TRPC4: variants seen among roughly 807,000 people sequenced by gnomAD.
TRPC4 encodes transient receptor potential cation channel subfamily C member 4, also known as short transient receptor potential channel 4.
Under a neutral mutation model 99.4 loss-of-function variants are expected in TRPC4, and 49 were observed. The ratio of observed to expected loss-of-function variants is 0.49; its 90% confidence interval spans 0.39 to 0.63. The LOEUF (loss-of-function observed/expected upper bound fraction) is 0.63. Among genes scored for constraint, TRPC4 ranks in the 20% least tolerant of loss-of-function variants. The pLI is 0.00. For missense variants in TRPC4, 898 were observed against 1,152.9 expected (o/e 0.78, Z 3.20); for synonymous variants, 454 against 425.9 (o/e 1.07, Z -0.81).
At chr13:37,668,269 C>T (rs913662151) in intron 5 of TRPC4, among the ~76,000 whole-genome samples, 4 of 152,074 alleles carry the variant, frequency 2.6e-5, no homozygotes, top group African/African-American at 9.7e-5. Flanking sequence ...ATTCAGATTC[C>T]TTTGAAAGAG....
intron 3 of TRPC4, among the ~76,000 whole-genome samples, chr13:37,728,345 G>A (rs1955129895): frequency 6.6e-6 from 1 of 151,842 alleles, no homozygotes; most frequent in Non-Finnish European, 1.5e-5. Context: ...AGGTAGCAGA[G>A]TACAAAGTCA....
chr13:37,773,748 A>G (rs190635221), intron 2 of TRPC4, among the ~76,000 whole-genome samples: 1 of 151,914 alleles, frequency 6.6e-6, no homozygotes, highest in Admixed American at 6.6e-5. Context: ...AAATTGTAAT[A>G]CTGAATTTTT....
intron 3 of TRPC4, among the ~76,000 whole-genome samples, chr13:37,717,322 A>G (rs1431425875): frequency 2.0e-5 from 3 of 152,190 alleles, no homozygotes; most frequent in Non-Finnish European, 4.4e-5. Context: ...TTTTAAGTCT[A>G]CATTTTAAAT....
chr13:37,718,415 C>A (rs1468155081), intron 3 of TRPC4, among the ~76,000 whole-genome samples: 1 of 151,504 alleles, frequency 6.6e-6, no homozygotes, highest in Non-Finnish European at 1.5e-5. Context: ...AAAATGTGAT[C>A]CATTCTCAAG....
Position 37,635,233 on chromosome 13 carries a change from T to C in TRPC4, c.*1670A>G, listed in dbSNP as rs1951483358. On this transcript the variant is annotated 3_prime_UTR_variant, in exon 11 of 11. Coordinates refer to ENST00000379705, the MANE Select transcript of TRPC4 (RefSeq NM_016179.4). ...TATATGCATGTTTTATAACTTGCTCTTTTTATGTTCTGAAAGGCAGTTACA... is the reference window on the plus strand; with the variant it reads ...TATATGCATGTTTTATAACTTGCTCCTTTTATGTTCTGAAAGGCAGTTACA... Among the ~76,000 whole-genome samples, 1 of 152,236 alleles carries C rather than the reference T, an allele frequency of 6.6e-6. No homozygotes were observed. Among genetic ancestry groups the C allele is most frequent in the Admixed American group, 6.5e-5 (1 of 15,268 alleles).
At chr13:37,813,790 C>T (rs1957767538) in intron 1 of TRPC4, among the ~76,000 whole-genome samples, 2 of 151,816 alleles carry the variant, frequency 1.3e-5, no homozygotes, top group South Asian at 4.2e-4. Flanking sequence ...ATGTTTCAAT[C>T]ATTCACAAAC....
chr13:37,757,925 A>G (rs1303464536), intron 2 of TRPC4, among the ~76,000 whole-genome samples: 1 of 151,968 alleles, frequency 6.6e-6, no homozygotes, highest in Non-Finnish European at 1.5e-5. Context: ...GTAGGGTTCA[A>G]GGTTGGAAAT....
At chr13:37,854,041 A>C (rs1959122241) in intron 1 of TRPC4, among the ~76,000 whole-genome samples, 1 of 152,176 alleles carries the variant, frequency 6.6e-6, no homozygotes, top group African/African-American at 2.4e-5. Context: ...AGAATTTCCC[A>C]ATCCTAGAGA....
chr13:37,825,566 C>T (rs546436466), intron 1 of TRPC4, among the ~76,000 whole-genome samples: 1 of 150,124 alleles, frequency 6.7e-6, no homozygotes, highest in Non-Finnish European at 1.5e-5. Context: ...GTTCAGTTTC[C>T]ATGTAGTCCA....
At chr13:37,684,720 A>C (rs1953400627) in intron 4 of TRPC4, among the ~76,000 whole-genome samples, 1 of 151,768 alleles carries the variant, frequency 6.6e-6, no homozygotes, top group Non-Finnish European at 1.5e-5. Flanking sequence ...ACTTAATACA[A>C]ACTTCTGAAC....
At chr13:37,854,717 C>T (rs893189618) in intron 1 of TRPC4, 10 of 151,976 alleles carry the variant, frequency 6.6e-5, no homozygotes, top group African/African-American at 1.9e-4. Flanking sequence ...ATTTGCAAGC[C>T]TCATGGTAAC....
At chr13:37,783,444 G>T in intron 1 of TRPC4, 84 bp from the exon 2 acceptor site, 1 of 1,101,054 alleles carries the variant, frequency 9.1e-7, no homozygotes, top group Non-Finnish European at 1.2e-6. Context: ...AACTCACAGT[G>T]ATATCAATAA....
rs1566139370 is a variant in TRPC4, at chr13:37,746,087, T to C, written c.747A>G (p.Lys249=). The change falls in exon 3 of 11, where the codon AAA becomes AAG. Residue 249 remains lysine, a synonymous_variant. Coordinates refer to ENST00000379705, the MANE Select transcript of TRPC4 (RefSeq NM_016179.4). ...GATCCAGTAGGTCCTTAGCAAATTG[T>C]TTGCACTGCCGTGACAGCTCTTCAT... ...SEYEELSRQC[K]QFAKDLLDQT... 5 of 1,613,964 alleles carry C rather than the reference T, an allele frequency of 3.1e-6. No homozygotes were observed. The highest frequency in any genetic ancestry group is 4.2e-6 in the Non-Finnish European group (5 of 1,179,902).
chr13:37,725,549 A>G (rs987193348), intron 3 of TRPC4, among the ~76,000 whole-genome samples: 1 of 152,192 alleles, frequency 6.6e-6, no homozygotes, highest in African/African-American at 2.4e-5. Flanking sequence ...ATTTCTCATC[A>G]GAAACTTTAG....
At chr13:37,715,335 C>T (rs1281524836) in intron 3 of TRPC4, among the ~76,000 whole-genome samples, 1 of 152,156 alleles carries the variant, frequency 6.6e-6, no homozygotes, top group African/African-American at 2.4e-5. Flanking sequence ...AGTAATGCAT[C>T]TTTGCATAGG....
At chr13:37,656,713 T>C (rs1483242981) in intron 6 of TRPC4, among the ~76,000 whole-genome samples, 2 of 152,182 alleles carry the variant, frequency 1.3e-5, no homozygotes. Context: ...TCAGAGTCAC[T>C]GGAATGACGG....
intron 1 of TRPC4, among the ~76,000 whole-genome samples, chr13:37,821,613 A>G (rs1249521080): frequency 6.6e-6 from 1 of 152,162 alleles, no homozygotes; most frequent in East Asian, 1.9e-4. Context: ...AGAAAAAGAG[A>G]CACATAGAGC....
At chr13:37,675,529 TTA>T (rs1017820401) in intron 4 of TRPC4, among the ~76,000 whole-genome samples, 2 of 152,112 alleles carry the variant, frequency 1.3e-5, no homozygotes, top group African/African-American at 4.8e-5. Context: ...AAGAGAAATA[TTA>T]TAGTTCAAGC....
chr13:37,762,557 G>A (rs1339226627), intron 2 of TRPC4, among the ~76,000 whole-genome samples: 2 of 151,582 alleles, frequency 1.3e-5, no homozygotes, highest in East Asian at 3.9e-4. Flanking sequence ...ATGAGTTCAT[G>A]TCCTTTGTAT....
Sources: allele counts gnomAD v4.1 joint callset (sites outside exome capture counted in the v4.1 genomes callset), GRCh38; gene constraint gnomAD v4.1.1; transcripts MANE v1.5; gene names NCBI Gene and HGNC (gene_info 2026-07-23, HGNC 2026-07-21).